MYO5B: variants seen among roughly 807,000 people sequenced by gnomAD.
The protein encoded by MYO5B is myosin VB.
A neutral mutation model predicts 229.3 loss-of-function variants in MYO5B; 143 were observed. The observed-to-expected ratio is 0.62, with a 90% CI of 0.54 to 0.72. The LOEUF is 0.72. Among genes scored for constraint, MYO5B ranks in the 30% least tolerant of loss-of-function variants. The probability of loss-of-function intolerance (pLI) is 0.00; values close to 1 mark genes in which losing one functional copy is unlikely to be tolerated. For missense variants in MYO5B, 2,321 were observed against 2,331.0 expected (o/e 1.00, Z 0.09); for synonymous variants, 918 against 885.2 (o/e 1.04, Z -0.66).
chr18:49,855,169 T>C (rs1429957559), intron 30 of MYO5B, among the ~76,000 whole-genome samples: 1 of 152,214 alleles, frequency 6.6e-6, no homozygotes. Context: ...CAGACACTCT[T>C]GGGTTCTAGG....
chr18:49,863,119 C>G, intron 29 of MYO5B, 108 bp downstream of exon 29: 1 of 845,754 alleles, frequency 1.2e-6, no homozygotes, highest in Non-Finnish European at 2.0e-6. Flanking sequence ...AAATAATTCT[C>G]TGATGCTGAG....
intron 1 of MYO5B, among the ~76,000 whole-genome samples, chr18:50,087,298 A>G (rs1023278530): frequency 1.3e-5 from 2 of 152,196 alleles, no homozygotes; most frequent in Non-Finnish European, 2.9e-5. Context: ...TTGGCAGGGC[A>G]TGGTGGCTCA....
intron 14 of MYO5B, among the ~76,000 whole-genome samples, chr18:49,950,069 G>A (rs2144238489): frequency 6.6e-6 from 1 of 152,282 alleles, no homozygotes; most frequent in Admixed American, 6.5e-5. Context: ...AACAATCTTT[G>A]CTTTCTGTCT....
intron 34 of MYO5B, among the ~76,000 whole-genome samples, chr18:49,841,906 T>G (rs550158951): frequency 6.6e-6 from 1 of 152,270 alleles, no homozygotes; most frequent in Admixed American, 6.5e-5. Context: ...TATCTAGATG[T>G]CAGATGCATC....
chr18:50,008,488 G>T (rs112096233), intron 4 of MYO5B, among the ~76,000 whole-genome samples: 1 of 152,142 alleles, frequency 6.6e-6, no homozygotes, highest in Admixed American at 6.5e-5. Context: ...AAACTTTGTC[G>T]TCCCTGCCCT....
intron 9 of MYO5B, among the ~76,000 whole-genome samples, chr18:49,975,765 C>G (rs1252425749): frequency 6.6e-6 from 1 of 152,144 alleles, no homozygotes; most frequent in Non-Finnish European, 1.5e-5. Context: ...AGAGGTACAA[C>G]TACTCAACCA....
At chr18:50,109,781 C>A (rs1199762571) in intron 1 of MYO5B, among the ~76,000 whole-genome samples, 2 of 152,178 alleles carry the variant, frequency 1.3e-5, no homozygotes, top group Non-Finnish European at 2.9e-5. Flanking sequence ...CCTCATCCGG[C>A]CAACGGCAGC....
At chr18:50,049,986 A>AT (rs776422100) in intron 2 of MYO5B, among the ~76,000 whole-genome samples, 58 of 151,530 alleles carry the variant, frequency 3.8e-4, no homozygotes, top group Non-Finnish European at 5.0e-4. Flanking sequence ...TTTTACCACA[A>AT]TTTTTTTTTA....
At chr18:49,926,033 A>G (rs964846089) in intron 17 of MYO5B, among the ~76,000 whole-genome samples, 1 of 152,162 alleles carries the variant, frequency 6.6e-6, no homozygotes, top group African/African-American at 2.4e-5. Context: ...TTCAGACCCT[A>G]AGGTCAAAAA....
intron 1 of MYO5B, among the ~76,000 whole-genome samples, chr18:50,092,189 C>CA: frequency 6.6e-6 from 1 of 152,220 alleles, no homozygotes; most frequent in East Asian, 1.9e-4. Context: ...AAAGGGATTT[C>CA]AAGTAAGAGG....
At chr18:49,974,779 T>TCTCACACACACACACACAGACACACA (rs1555648454) in intron 9 of MYO5B, among the ~76,000 whole-genome samples, 164 bp from the exon 10 acceptor site, 1 of 117,048 alleles carries the variant, frequency 8.5e-6, no homozygotes, top group Admixed American at 9.1e-5. Flanking sequence ...GCAGTCTCTC[T>TCTCACACACACACACACAGACACACA]CACACACACA....
chr18:49,856,391 C>A (rs2024262991), intron 30 of MYO5B, among the ~76,000 whole-genome samples: 1 of 152,208 alleles, frequency 6.6e-6, no homozygotes, highest in Admixed American at 6.5e-5. Context: ...GCCAGCAGCA[C>A]AGATCAGGCA....
intron 14 of MYO5B, among the ~76,000 whole-genome samples, chr18:49,945,028 C>A (rs1314776039): frequency 2.6e-5 from 4 of 152,226 alleles, no homozygotes; most frequent in Non-Finnish European, 5.9e-5. Context: ...GCCCACGCCT[C>A]CTTGTAAAGG....
intron 14 of MYO5B, among the ~76,000 whole-genome samples, chr18:49,940,045 A>C (rs2025296837): frequency 6.6e-6 from 1 of 152,180 alleles, no homozygotes; most frequent in Non-Finnish European, 1.5e-5. Flanking sequence ...TCAATAAATT[A>C]AGTTCCAGCC....
At chr18:49,966,577 A>G (rs566068972) in intron 10 of MYO5B, among the ~76,000 whole-genome samples, 2 of 152,324 alleles carry the variant, frequency 1.3e-5, no homozygotes, top group African/African-American at 4.8e-5. Context: ...TGGGAGATAA[A>G]AGAGCCACCC....
chr18:50,037,425 A>G (rs564994936), intron 3 of MYO5B, among the ~76,000 whole-genome samples: 6 of 152,346 alleles, frequency 3.9e-5, no homozygotes, highest in African/African-American at 1.4e-4. Flanking sequence ...TATCTTAACT[A>G]AAATACAAAT....
chr18:50,014,855 T>C (rs2026200494), intron 4 of MYO5B, among the ~76,000 whole-genome samples: 1 of 152,188 alleles, frequency 6.6e-6, no homozygotes, highest in African/African-American at 2.4e-5. Flanking sequence ...TTAAGCTGTG[T>C]AACTAAGTGT....
At chr18:49,866,380 A>C (rs1379013575) in intron 27 of MYO5B, among the ~76,000 whole-genome samples, 1 of 151,854 alleles carries the variant, frequency 6.6e-6, no homozygotes, top group Non-Finnish European at 1.5e-5. Context: ...CATCTTACCT[A>C]TTTTTACGTG....
intron 5 of MYO5B, among the ~76,000 whole-genome samples, chr18:49,995,277 T>TG (rs1239377621): frequency 2.9e-5 from 4 of 140,072 alleles, no homozygotes; most frequent in Non-Finnish European, 6.1e-5. Flanking sequence ...TTTTTTGAGA[T>TG]GGAGTCTCGC....
Sources: allele counts gnomAD v4.1 joint callset (sites outside exome capture counted in the v4.1 genomes callset), GRCh38; gene constraint gnomAD v4.1.1; transcripts MANE v1.5; gene names NCBI Gene and HGNC (gene_info 2026-07-23, HGNC 2026-07-21).